DIDO1: variants seen among roughly 807,000 people sequenced by gnomAD.
DIDO1 encodes the protein death inducer-obliterator 1.
DIDO1 carries 16 observed loss-of-function variants against 99.4 expected under a neutral mutation model. The ratio of observed to expected loss-of-function variants is 0.16; its 90% CI spans 0.11 to 0.24. The LOEUF is 0.24. Ranked by LOEUF, DIDO1 falls within the 10% of genes least tolerant of loss-of-function variation. The pLI, the probability that DIDO1 is intolerant of heterozygous loss-of-function variation, is 1.00. For synonymous variants in DIDO1, 1,366 were observed against 1,239.1 expected (o/e 1.10, Z -2.15); for missense variants, 2,996 against 3,014.0 (o/e 0.99, Z 0.14).
chr20:62,923,170 G>C (rs944051690), intron 1 of DIDO1, among the ~76,000 whole-genome samples: 1 of 151,898 alleles, frequency 6.6e-6, no homozygotes, highest in Non-Finnish European at 1.5e-5. Context: ...CAGCATGCTT[G>C]GCCTAATTAT....
At chr20:62,901,292 C>T (rs946137844) in intron 6 of DIDO1, among the ~76,000 whole-genome samples, 6 of 152,164 alleles carry the variant, frequency 3.9e-5, no homozygotes, top group South Asian at 2.1e-4. Flanking sequence ...CTAATACCCG[C>T]TACTTGAGTG....
chr20:62,908,160 T>G (rs2064848470), intron 4 of DIDO1, among the ~76,000 whole-genome samples: 1 of 152,080 alleles, frequency 6.6e-6, no homozygotes, highest in Admixed American at 6.5e-5. Flanking sequence ...TTTATTTTTT[T>G]GTAGAGATGG....
chr20:62,907,294 G>A lies in DIDO1; in HGVS notation c.1227C>T (p.Asp409=), dbSNP rs776711959. 17 of 1,614,116 alleles carry A rather than the reference G, an allele frequency of 1.1e-5. No individual in the cohort carries two copies. In the Admixed American group the frequency reaches 1.8e-4, roughly 17 times the overall value. Residue 409 remains aspartate (D), a synonymous_variant, in exon 5 of 16, where the codon GAC becomes GAT. Transcript: ENST00000395343. ...GPGCCHVAQP[D]SVYCSNDCIL... ...TACAGTCATTACTGCAGTACACCGA[G>A]TCGGGCTGCGCCACGTGACAGCACC...
In DIDO1 at chr20:62,889,343, G is replaced by A. The variant is rs1466835745; in HGVS notation, c.3541+1617C>T. 3.1e-6 allele frequency: 3 copies of A among 980,430 alleles called. No homozygotes were observed. In the African/African-American group the frequency reaches 5.6e-5, roughly 18 times the overall value. 60.7% of individuals were successfully genotyped at this position (980,430 alleles called of 1,614,324 possible). On this transcript the variant is annotated intron_variant, in intron 15 of 15. Transcript: ENST00000395343. ...GTGTGGGGAACCCGGTGCCCGGCATGCGCCGGGGCTCGCTCAACACCCTAC... is the reference window on the plus strand; with the variant it reads ...GTGTGGGGAACCCGGTGCCCGGCATACGCCGGGGCTCGCTCAACACCCTAC...
chr20:62,935,511 T>G (rs769023605), intron 1 of DIDO1, among the ~76,000 whole-genome samples: 8 of 152,016 alleles, frequency 5.3e-5, no homozygotes, highest in Non-Finnish European at 1.2e-4. Flanking sequence ...CAATCCAGCT[T>G]TGTTAGGGAA....
intron 4 of DIDO1, among the ~76,000 whole-genome samples, chr20:62,908,658 T>C (rs6010783): frequency 0.23 from 34,938 of 152,062 alleles, 4,292 homozygotes; most frequent in East Asian, 0.34. Context: ...TTATTGAGAA[T>C]ACAATTTAGG....
At chr20:62,905,082 C>T (rs888002491) in intron 6 of DIDO1, 2 of 991,934 alleles carry the variant, frequency 2.0e-6, no homozygotes, top group Non-Finnish European at 2.4e-6. Flanking sequence ...TCTGAGGTTT[C>T]AAAGATCTGT....
Position 62,877,875 on chromosome 20 carries a change from A to C in DIDO1, c.*1358T>G, listed in dbSNP as rs1329573047. ...TCTATCAAGTAAACTAAAGAAACAC[A>C]CTTGATTTTTACATTTGTGTATTTA... On this transcript the variant is annotated 3_prime_UTR_variant, in exon 16 of 16. Transcript: ENST00000395343. The C allele has an allele frequency of 6.6e-6, 1 of 152,222 alleles. No homozygotes were observed. 9.4% of individuals were successfully genotyped at this position (152,222 alleles called of 1,614,324 possible). A position where few individuals can be genotyped will look rare whatever the true frequency, so the allele number is the denominator to read the frequency against.
intron 6 of DIDO1, among the ~76,000 whole-genome samples, chr20:62,901,833 A>C (rs1417855704): frequency 2.7e-5 from 4 of 147,452 alleles, no homozygotes; most frequent in East Asian, 4.0e-4. Flanking sequence ...AAAAAAAAAA[A>C]ACCTAGTATT....
At chr20:62,888,779 A>G in intron 15 of DIDO1, 1 of 985,462 alleles carries the variant, frequency 1.0e-6, no homozygotes, top group South Asian at 4.7e-5. Flanking sequence ...CGGGCCGAGT[A>G]CCCGATGGCC....
chr20:62,898,609 T>C (rs1013651163), intron 6 of DIDO1, among the ~76,000 whole-genome samples: 4 of 152,226 alleles, frequency 2.6e-5, no homozygotes, highest in South Asian at 2.1e-4. Context: ...TCTAACCTCA[T>C]GGCCGGCCCC....
intron 1 of DIDO1, among the ~76,000 whole-genome samples, chr20:62,921,627 A>G (rs1193199772): frequency 1.5e-5 from 2 of 133,404 alleles, no homozygotes; most frequent in South Asian, 2.4e-4. Flanking sequence ...TTGGAGCTGC[A>G]GCCAATTTTT....
Position 62,896,955 on chromosome 20 carries a change from T to C in DIDO1, c.1630A>G (p.Met544Val), listed in dbSNP as rs774478259. The C allele has an allele frequency of 5.0e-6, 8 of 1,613,522 alleles. No homozygotes were observed. Among genetic ancestry groups the C allele is most frequent in the Middle Eastern group, 1.6e-4 (1 of 6,080 alleles). ...DRRSEEKAAA[M>V]AASKKTAPPG... The stretch of plus-strand genomic sequence containing the variant: ...GGGGCTGTTTTCTTTGAGGCTGCCA[T>C]GGCTGCCGCTTTCTCCTCGGACCTC... Residue 544 changes from methionine (M) to valine (V), a missense_variant, in exon 7 of 16, where the codon ATG (methionine) becomes GTG (valine). Met to Val is a conservative substitution (Grantham distance 21, BLOSUM62 1). Around this residue, in one of 5 missense-constraint regions of DIDO1, gnomAD observed 898 missense variants for 972.7 expected, o/e 0.92. Transcript: ENST00000395343. This position sits in a 1 kb window ranked among gnomAD's most constrained non-coding sequence, Gnocchi z 4.4.
At chr20:62,888,841 G>A (rs1016104998) in intron 15 of DIDO1, 6 of 985,276 alleles carry the variant, frequency 6.1e-6, no homozygotes, top group East Asian at 1.1e-4. Context: ...GAGATTTCAC[G>A]CACACGCATT....
intron 2 of DIDO1, among the ~76,000 whole-genome samples, chr20:62,913,626 C>CT (rs1225279168): frequency 1.3e-5 from 2 of 152,238 alleles, no homozygotes; most frequent in African/African-American, 4.8e-5. Flanking sequence ...ACTGTCATCT[C>CT]AAAAGAGGGT....
At chr20:62,929,692 A>AAAAAAAAAATATATATAT, upstream of DIDO1, among the ~76,000 whole-genome samples, 2 of 63,708 alleles carry the variant, frequency 3.1e-5, no homozygotes, top group Admixed American at 1.8e-4. Context: ...AAAAAGAAAA[A>AAAAAAAAAATATATATAT]GTGTATATAT....
chr20:62,914,136 T>C (rs1338018263), intron 2 of DIDO1, 74 bp downstream of exon 2: 2 of 152,246 alleles, frequency 1.3e-5, no homozygotes, highest in East Asian at 3.8e-4. Context: ...TCTTTACAAA[T>C]GCCACTTTAT....
intron 12 of DIDO1, 107 bp from the exon 13 acceptor site, chr20:62,893,069 C>T (rs1463008655): frequency 2.4e-6 from 3 of 1,257,972 alleles, no homozygotes; most frequent in African/African-American, 1.5e-5. Context: ...TTCTGTCATG[C>T]AGGCTGGAGT....
At chr20:62,887,346 C>T (rs564458083) in intron 15 of DIDO1, 3 of 985,310 alleles carry the variant, frequency 3.0e-6, no homozygotes, top group East Asian at 1.1e-4. Context: ...GAAATGCTTA[C>T]CTGACAATAT....
Sources: allele counts gnomAD v4.1 joint callset (sites outside exome capture counted in the v4.1 genomes callset), GRCh38; gene constraint gnomAD v4.1.1; regional missense constraint gnomAD v4.1.1; non-coding constraint Gnocchi (gnomAD v3.1); transcripts MANE v1.5; gene names NCBI Gene and HGNC (gene_info 2026-07-23, HGNC 2026-07-21).